Variants in SMPD3 observed in about 807,000 individuals in gnomAD.
The protein encoded by SMPD3 is nSMase-2.
In SMPD3, 21 loss-of-function variants were observed where a neutral mutation model predicts 55.7. The ratio of observed to expected loss-of-function variants is 0.38; its 90% CI spans 0.27 to 0.54. SMPD3 has a LOEUF of 0.54. Ranked by LOEUF, SMPD3 falls within the 20% of genes least tolerant of loss-of-function variation. The probability of loss-of-function intolerance (pLI) is 0.80; values close to 1 mark genes in which losing one functional copy is unlikely to be tolerated. For missense variants in SMPD3, 842 were observed against 899.6 expected, an observed-to-expected ratio of 0.94 and a Z score of 0.82; for synonymous variants, 457 against 404.3, an observed-to-expected ratio of 1.13 and a Z score of -1.56.
chr16:68,378,347 A>G (rs2151993111), intron 2 of SMPD3, among the ~76,000 whole-genome samples: 1 of 152,318 alleles, frequency 6.6e-6, no homozygotes, highest in South Asian at 2.1e-4. Flanking sequence ...GAGGACAGAA[A>G]GACAGAAGCG....
rs990268351 is a variant in SMPD3, at chr16:68,386,725, C to T, written c.-268-66G>A. ...TCTCCAGAGCTCACCTGACAGCCAC[C>T]GAGCAGCCCAGAACAGGTGAGCCAG... On this transcript the variant is annotated intron_variant, in intron 1 of 8. Transcript: ENST00000219334. 2.6e-5 allele frequency: 4 copies of T among 152,338 alleles called. No individual in the cohort carries two copies. The East Asian group carries it at 5.8e-4, about 22-fold the overall frequency. The allele number at this position is 152,338 out of a possible 1,614,324, so 9.4% of individuals were successfully genotyped here.
intron 2 of SMPD3, among the ~76,000 whole-genome samples, chr16:68,374,456 C>T (rs927511219): frequency 2.0e-5 from 3 of 152,332 alleles, no homozygotes; most frequent in East Asian, 1.9e-4. Flanking sequence ...CAGACCACAG[C>T]GGGGCAACCT....
In SMPD3 at chr16:68,361,700, G is replaced by A. The variant is rs745601859; in HGVS notation, c.1769C>T (p.Ser590Leu). The A allele has an allele frequency of 5.6e-6, 9 of 1,612,918 alleles. No homozygotes were observed. Among genetic ancestry groups the A allele is most frequent in the East Asian group, 2.2e-5 (1 of 44,886 alleles). The change falls in exon 8 of 9, where the codon TCG (serine) becomes TTG (leucine). Residue 590 changes from serine (S) to leucine (L), a missense_variant. Physicochemically the swap from Ser to Leu is moderately radical, Grantham distance 145. This residue lies in a region of SMPD3 where 649 missense variants were observed against 643.6 expected (regional missense o/e 1.01). Transcript: ENST00000219334. ...EYLAFPTSKS[S>L]GQKGRKELLK... is the part of the protein sequence containing the mutation. ...CAGCTCCTTCCGCCCCTTCTGGCCC[G>A]AGCTCTTGCTGGTGGGAAACGCCAG...
chr16:68,395,429 G>T (rs2090146936), intron 1 of SMPD3, among the ~76,000 whole-genome samples: 1 of 152,226 alleles, frequency 6.6e-6, no homozygotes, highest in Non-Finnish European at 1.5e-5. Context: ...TTAGCTGTTT[G>T]TCTTGCAGAG....
rs201798984 is a variant in SMPD3 at position 68,370,919 on chromosome 16, G to A, written c.1263C>T (p.His421=). ...SRYPIMDVAY[H]CYPNKCNDDA... Reference sequence around the variant, plus strand: ...CGTCGTTACACTTGTTGGGGTAACAGTGATAGGCCACGTCCATGATGGGGT... The same window carrying A: ...CGTCGTTACACTTGTTGGGGTAACAATGATAGGCCACGTCCATGATGGGGT... Residue 421 remains histidine, a synonymous_variant, in exon 3 of 9, where the codon CAC becomes CAT. Coordinates refer to ENST00000219334, the MANE Select transcript of SMPD3 (RefSeq NM_018667.4). 6.8e-6 allele frequency: 11 copies of A among 1,614,202 alleles called. No individual in the cohort carries two copies. The highest frequency in any genetic ancestry group is 8.5e-6 in the Non-Finnish European group (10 of 1,180,022).
At chr16:68,398,594 G>A (rs893471710) in intron 1 of SMPD3, among the ~76,000 whole-genome samples, 1 of 152,198 alleles carries the variant, frequency 6.6e-6, no homozygotes, top group African/African-American at 2.4e-5. Context: ...TCAGACAAGT[G>A]TTCTCAAGTA....
chr16:68,372,300 G>C lies in SMPD3; in HGVS notation c.-119C>G, dbSNP rs1023362314. On this transcript the variant is annotated 5_prime_UTR_variant, in exon 3 of 9. Coordinates refer to ENST00000219334, the MANE Select transcript of SMPD3 (RefSeq NM_018667.4). ...GCTGGAGGAGGGGTCACCTCCTGGC[G>C]AGATGCAACTCCGGCTGGTCAATGG... 4.6e-6 allele frequency: 6 copies of C among 1,310,186 alleles called. No homozygotes were observed. The highest frequency in any genetic ancestry group is 6.3e-6 in the Non-Finnish European group (6 of 946,432). The allele number at this position is 1,310,186 out of a possible 1,614,324, so 81.2% of individuals were successfully genotyped here.
chr16:68,438,493 T>C (rs1175460943), intron 1 of SMPD3, among the ~76,000 whole-genome samples: 1 of 152,230 alleles, frequency 6.6e-6, no homozygotes, highest in South Asian at 2.1e-4. Context: ...CTCAAACTGA[T>C]GGCCTCAGAT....
intron 3 of SMPD3, chr16:68,369,223 A>G (rs2089580350): frequency 6.6e-6 from 1 of 152,084 alleles, no homozygotes; most frequent in Non-Finnish European, 1.5e-5. Flanking sequence ...GTCTCAAAAA[A>G]AAAAAAAAAA....
At chr16:68,424,201 A>G (rs2090417960) in intron 1 of SMPD3, among the ~76,000 whole-genome samples, 1 of 151,410 alleles carries the variant, frequency 6.6e-6, no homozygotes, top group South Asian at 2.1e-4. Context: ...TTTGGCCAGG[A>G]GTACTGCCAT....
chr16:68,361,495 AAG>A, intron 8 of SMPD3, 106 bp downstream of exon 8: 1 of 1,488,400 alleles, frequency 6.7e-7, no homozygotes, highest in Non-Finnish European at 9.1e-7. Context: ...GTATCATTGT[AAG>A]AGTGGCCTGG....
chr16:68,382,636 G>A (rs1227369126), intron 2 of SMPD3, among the ~76,000 whole-genome samples: 1 of 152,194 alleles, frequency 6.6e-6, no homozygotes, highest in Non-Finnish European at 1.5e-5. Context: ...AAAGGGAACT[G>A]AGAGTGGACT....
intron 1 of SMPD3, among the ~76,000 whole-genome samples, chr16:68,395,571 G>A (rs920633602): frequency 6.6e-6 from 1 of 152,226 alleles, no homozygotes; most frequent in African/African-American, 2.4e-5. Flanking sequence ...TGAGCAATGA[G>A]CCTGAGACGG....
intron 1 of SMPD3, among the ~76,000 whole-genome samples, chr16:68,441,619 T>A (rs1419179961): frequency 1.3e-5 from 2 of 152,170 alleles, no homozygotes; most frequent in African/African-American, 4.8e-5. Flanking sequence ...AGCTAGTGTA[T>A]GTTTTATACT....
At chr16:68,431,091 G>A (rs2090476227) in intron 1 of SMPD3, among the ~76,000 whole-genome samples, 1 of 152,144 alleles carries the variant, frequency 6.6e-6, no homozygotes, top group South Asian at 2.1e-4. Flanking sequence ...ATACCAGTGG[G>A]AGGACAGGGA....
At chr16:68,361,844 T>A in intron 7 of SMPD3, 85 bp from the exon 8 acceptor site, 50 of 766,966 alleles carry the variant, frequency 6.5e-5, no homozygotes, top group Non-Finnish European at 9.3e-5. Flanking sequence ...CATGGTCTCC[T>A]CCCAGTGTGG....
rs535041614 is a variant in SMPD3 at position 68,402,692 on chromosome 16, C to T, written c.-268-16033G>A. On this transcript the variant is annotated intron_variant, in intron 1 of 8. Coordinates refer to ENST00000219334, the MANE Select transcript of SMPD3 (RefSeq NM_018667.4). ...ACAATTCTCTGGAAACTCAGAGAGGCGGTAGCCACAAAGAGGCAACAAGGT... is the reference window on the plus strand; with the variant it reads ...ACAATTCTCTGGAAACTCAGAGAGGTGGTAGCCACAAAGAGGCAACAAGGT... Among the ~76,000 whole-genome samples the T allele has an allele frequency of 3.3e-5, 5 of 152,288 alleles. No individual in the cohort carries two copies. The South Asian group carries it at 1.0e-3, about 32-fold the overall frequency.
chr16:68,391,403 G>A (rs2090109702), intron 1 of SMPD3, among the ~76,000 whole-genome samples: 1 of 152,202 alleles, frequency 6.6e-6, no homozygotes, highest in Admixed American at 6.5e-5. Context: ...CTACAAAGGT[G>A]GGAGACACAC....
intron 1 of SMPD3, among the ~76,000 whole-genome samples, chr16:68,420,910 C>T (rs947882722): frequency 1.6e-4 from 24 of 152,230 alleles, no homozygotes; most frequent in African/African-American, 5.8e-4. Flanking sequence ...AAATCGCTCC[C>T]TCAGCAAGCT....
Sources: allele counts gnomAD v4.1 joint callset (sites outside exome capture counted in the v4.1 genomes callset), GRCh38; gene constraint gnomAD v4.1.1; regional missense constraint gnomAD v4.1.1; transcripts MANE v1.5; gene names NCBI Gene and HGNC (gene_info 2026-07-23, HGNC 2026-07-21).